NALF1: variants seen among roughly 807,000 people sequenced by gnomAD.
The protein encoded by NALF1 is NALCN channel auxiliary factor 1.
NALF1 carries 3 observed loss-of-function variants against 48.4 expected under a neutral mutation model. That is an observed-to-expected ratio of 0.06 (90% confidence interval 0.03 to 0.16). The LOEUF (loss-of-function observed/expected upper bound fraction) is 0.16, where lower values mean the gene tolerates loss of function less well. NALF1 is among the 10% of genes least tolerant of loss of function. The pLI, the probability that NALF1 is intolerant of heterozygous loss-of-function variation, is 1.00. For synonymous variants in NALF1, 262 were observed against 245.7 expected (o/e 1.07, Z -0.62); for missense variants, 526 against 571.5 (o/e 0.92, Z 0.81).
rs1471717419 is a variant in NALF1 at position 107,279,079 on chromosome 13, T to C, written c.916-68324A>G. Among the ~76,000 whole-genome samples the C allele has an allele frequency of 7.0e-5, 10 of 143,736 alleles. No individual in the cohort carries two copies. The East Asian group carries it at 2.1e-3, about 30-fold the overall frequency. 94.3% of individuals were successfully genotyped at this position (143,736 alleles called of 152,430 possible). Reference sequence around the variant, plus strand: ...TTTTTTTTGCACAAATTATCTGCAGTACCTCAAACTCTGAATTTCTACATC... The same window carrying C: ...TTTTTTTTGCACAAATTATCTGCAGCACCTCAAACTCTGAATTTCTACATC... On this transcript the variant is annotated intron_variant, in intron 1 of 2. Coordinates refer to ENST00000375915, the MANE Select transcript of NALF1 (RefSeq NM_001080396.3).
At chr13:107,528,765 G>A (rs1054241438) in intron 1 of NALF1, among the ~76,000 whole-genome samples, 2 of 152,130 alleles carry the variant, frequency 1.3e-5, no homozygotes, top group African/African-American at 4.8e-5. Flanking sequence ...AGGTAGAAGA[G>A]TCATTGAAAA....
At chr13:107,248,222 G>C (rs914116521) in intron 1 of NALF1, among the ~76,000 whole-genome samples, 1 of 147,282 alleles carries the variant, frequency 6.8e-6, no homozygotes, top group African/African-American at 2.5e-5. Flanking sequence ...ATCGTCATAG[G>C]GCAAAAAAAA....
chr13:107,497,043 T>C (rs1017607210), intron 1 of NALF1, among the ~76,000 whole-genome samples: 3 of 152,188 alleles, frequency 2.0e-5, no homozygotes, highest in African/African-American at 7.2e-5. Context: ...CAATACATAA[T>C]TTTTTAAATA....
chr13:107,799,609 G>A (rs1208353125), intron 1 of NALF1, among the ~76,000 whole-genome samples: 2 of 152,102 alleles, frequency 1.3e-5, no homozygotes, highest in African/African-American at 4.8e-5. Flanking sequence ...GGCTTGTTTT[G>A]CTTATAATAA....
At chr13:107,510,834 T>A (rs1339583378) in intron 1 of NALF1, among the ~76,000 whole-genome samples, 1 of 152,148 alleles carries the variant, frequency 6.6e-6, no homozygotes, top group Non-Finnish European at 1.5e-5. Flanking sequence ...ATTCTCTCCA[T>A]CCTGGCTCAT....
At position 107,296,671 on chromosome 13, in the gene NALF1, G is replaced by A. The variant is rs910694537; in HGVS notation, c.916-85916C>T. Reference sequence around the variant, plus strand: ...ATCAACTGACACTTAGACTTCACTCGGTTAACATTTATTAAGGAAAGACTC... The same window carrying A: ...ATCAACTGACACTTAGACTTCACTCAGTTAACATTTATTAAGGAAAGACTC... On this transcript the variant is annotated intron_variant, in intron 1 of 2. Coordinates refer to ENST00000375915, the MANE Select transcript of NALF1 (RefSeq NM_001080396.3). 6.6e-5 allele frequency among the ~76,000 whole-genome samples: 10 copies of A among 151,980 alleles called. No individual in the cohort carries two copies. The East Asian group carries it at 7.7e-4, about 12-fold the overall frequency.
chr13:107,305,860 G>A (rs1881926667), intron 1 of NALF1, among the ~76,000 whole-genome samples: 1 of 152,178 alleles, frequency 6.6e-6, no homozygotes, highest in Admixed American at 6.5e-5. Flanking sequence ...GGACTGAGAG[G>A]GAAGTAATAT....
At chr13:107,712,791 A>G (rs1875643665) in intron 1 of NALF1, among the ~76,000 whole-genome samples, 1 of 152,240 alleles carries the variant, frequency 6.6e-6, no homozygotes, top group Non-Finnish European at 1.5e-5. Context: ...ACAGTCTACA[A>G]AAGCTTTTCA....
intron 1 of NALF1, among the ~76,000 whole-genome samples, chr13:107,489,762 C>G (rs1305236114): frequency 6.6e-6 from 1 of 152,064 alleles, no homozygotes; most frequent in East Asian, 1.9e-4. Flanking sequence ...AACTAAAGAG[C>G]TTCTGCATAG....
At chr13:107,408,582 T>C (rs959723621) in intron 1 of NALF1, among the ~76,000 whole-genome samples, 4 of 152,124 alleles carry the variant, frequency 2.6e-5, no homozygotes, top group Admixed American at 6.6e-5. Context: ...TAGTTCTGTA[T>C]GGACACAATG....
intron 1 of NALF1, among the ~76,000 whole-genome samples, chr13:107,555,571 A>G (rs1877445055): frequency 6.7e-6 from 1 of 149,650 alleles, no homozygotes; most frequent in South Asian, 2.1e-4. Flanking sequence ...ATGAGATTAT[A>G]GGCGTGAGCT....
chr13:107,633,736 T>C (rs1339416947), intron 1 of NALF1, among the ~76,000 whole-genome samples: 2 of 130,426 alleles, frequency 1.5e-5, no homozygotes, highest in Admixed American at 8.4e-5. Context: ...TATATATATA[T>C]ATATGAAACA....
At chr13:107,326,351 C>T (rs539378447) in intron 1 of NALF1, among the ~76,000 whole-genome samples, 16 of 152,078 alleles carry the variant, frequency 1.1e-4, no homozygotes, top group South Asian at 2.1e-4. Flanking sequence ...ATTCCTGGTG[C>T]GTGAAAATCT....
chr13:107,776,139 G>C (rs1330386774), intron 1 of NALF1, among the ~76,000 whole-genome samples: 1 of 152,180 alleles, frequency 6.6e-6, no homozygotes. Flanking sequence ...GCTAAATCTG[G>C]AGCATTTTTA....
At chr13:107,585,020 C>T (rs1476042394) in intron 1 of NALF1, among the ~76,000 whole-genome samples, 1 of 152,122 alleles carries the variant, frequency 6.6e-6, no homozygotes, top group African/African-American at 2.4e-5. Flanking sequence ...AGTAGACACA[C>T]AGATAAAATG....
chr13:107,809,231 G>T (rs1247819080), intron 1 of NALF1, among the ~76,000 whole-genome samples: 1 of 151,814 alleles, frequency 6.6e-6, no homozygotes, highest in African/African-American at 2.4e-5. Flanking sequence ...GGTTAATCAG[G>T]CCATGACCTA....
intron 1 of NALF1, among the ~76,000 whole-genome samples, chr13:107,428,391 T>C (rs1884316620): frequency 1.3e-5 from 2 of 152,348 alleles, no homozygotes; most frequent in African/African-American, 4.8e-5. Flanking sequence ...AGGCGATCTA[T>C]GCTGCCTTCT....
chr13:107,229,427 G>A (rs1427285131), intron 1 of NALF1, among the ~76,000 whole-genome samples: 2 of 152,116 alleles, frequency 1.3e-5, no homozygotes, highest in African/African-American at 2.4e-5. Flanking sequence ...TGGGGGACGT[G>A]CAACACCTGC....
At chr13:107,818,004 G>A (rs983809050) in intron 1 of NALF1, among the ~76,000 whole-genome samples, 23 of 152,184 alleles carry the variant, frequency 1.5e-4, no homozygotes, top group Non-Finnish European at 1.6e-4. Flanking sequence ...GGGGATATTT[G>A]TTGGTAGAAA....
Sources: gnomAD v4.1 joint callset for allele counts (sites outside exome capture counted in the v4.1 genomes callset) on GRCh38, gnomAD v4.1.1 for gene constraint, MANE v1.5 for transcripts, NCBI Gene and HGNC (gene_info 2026-07-23, HGNC 2026-07-21) for gene names.